KALRN: variants seen among roughly 807,000 people sequenced by gnomAD.
KALRN encodes the protein kalirin.
KALRN carries 70 observed loss-of-function variants against 353.7 expected under a neutral mutation model. The observed-to-expected ratio is 0.20, with a 90% CI of 0.16 to 0.24. The LOEUF (loss-of-function observed/expected upper bound fraction) is 0.24. KALRN is among the 10% of genes least tolerant of loss of function. KALRN has a pLI of 1.00. For synonymous variants in KALRN, 1,391 were observed against 1,434.8 expected (o/e 0.97, Z 0.69); for missense variants, 2,791 against 3,756.7 (o/e 0.74, Z 6.72).
intron 33 of KALRN, among the ~76,000 whole-genome samples, chr3:124,504,298 T>TA (rs372951800): frequency 2.1e-4 from 31 of 146,706 alleles, no homozygotes; most frequent in East Asian, 5.9e-4. Flanking sequence ...TCCTTCTGTT[T>TA]AAAAAAAAAA....
intron 33 of KALRN, among the ~76,000 whole-genome samples, chr3:124,557,539 T>C (rs1000071830): frequency 6.6e-6 from 1 of 151,536 alleles, no homozygotes; most frequent in Non-Finnish European, 1.5e-5. Flanking sequence ...TGCACAGGAG[T>C]TGGCAGGACT....
At chr3:124,189,935 C>CAAAAAAAAAAAAAAA (rs1218193851) in intron 1 of KALRN, among the ~76,000 whole-genome samples, 1 of 69,456 alleles carries the variant, frequency 1.4e-5, no homozygotes, top group Non-Finnish European at 3.1e-5. Flanking sequence ...AAGACTCTGT[C>CAAAAAAAAAAAAAAA]AAAAAAAAAA....
At chr3:124,153,888 A>G (rs1400294909) in intron 1 of KALRN, among the ~76,000 whole-genome samples, 2 of 151,832 alleles carry the variant, frequency 1.3e-5, no homozygotes, top group Non-Finnish European at 2.9e-5. Flanking sequence ...GCATTTTTTC[A>G]TGTGTCTTTT....
At chr3:124,117,386 A>G (rs1219436191) in intron 1 of KALRN, among the ~76,000 whole-genome samples, 1 of 151,888 alleles carries the variant, frequency 6.6e-6, no homozygotes, top group Non-Finnish European at 1.5e-5. Flanking sequence ...ATATTTAAAT[A>G]ACTAAACATT....
chr3:124,628,550 T>C (rs66833836), intron 34 of KALRN, among the ~76,000 whole-genome samples: 5 of 98,722 alleles, frequency 5.1e-5, no homozygotes, highest in African/African-American at 7.1e-5. Context: ...TCTTTCCTTT[T>C]CTTTCTTTTC....
At chr3:124,555,326 A>G (rs1264341787) in intron 33 of KALRN, among the ~76,000 whole-genome samples, 1 of 152,026 alleles carries the variant, frequency 6.6e-6, no homozygotes, top group African/African-American at 2.4e-5. Context: ...GGTCAGGAGA[A>G]TGGCGTGCAC....
chr3:124,327,145 G>T (rs2079999306), intron 7 of KALRN, among the ~76,000 whole-genome samples: 1 of 152,126 alleles, frequency 6.6e-6, no homozygotes, highest in African/African-American at 2.4e-5. Context: ...TTGTTGCCTA[G>T]AGTCTTAAGA....
At chr3:124,584,553 G>A in intron 34 of KALRN, 2 of 1,217,056 alleles carry the variant, frequency 1.6e-6, no homozygotes, top group Non-Finnish European at 2.1e-6. Flanking sequence ...GTTACATGAG[G>A]CTCCGGCCGC....
At chr3:124,114,467 G>A (rs2063282739) in intron 1 of KALRN, among the ~76,000 whole-genome samples, 1 of 152,206 alleles carries the variant, frequency 6.6e-6, no homozygotes, top group Non-Finnish European at 1.5e-5. Flanking sequence ...ACACAGTGGG[G>A]AAGATGGACT....
At chr3:124,076,941 T>A (rs1318253061) in intron 1 of KALRN, among the ~76,000 whole-genome samples, 1 of 152,240 alleles carries the variant, frequency 6.6e-6, no homozygotes, top group African/African-American at 2.4e-5. Flanking sequence ...ATTGTGTTGG[T>A]CAGAGTCCAT....
intron 34 of KALRN, among the ~76,000 whole-genome samples, chr3:124,612,814 G>A (rs1172728369): frequency 6.6e-6 from 1 of 152,138 alleles, no homozygotes; most frequent in Admixed American, 6.5e-5. Flanking sequence ...CTGGCATATA[G>A]GAAGCACTCA....
At chr3:124,312,121 A>G (rs1316183148) in intron 6 of KALRN, among the ~76,000 whole-genome samples, 1 of 152,188 alleles carries the variant, frequency 6.6e-6, no homozygotes, top group Non-Finnish European at 1.5e-5. Flanking sequence ...AATATACTAA[A>G]AACCATTGAA....
At chr3:124,194,503 G>C (rs2075246122) in intron 1 of KALRN, among the ~76,000 whole-genome samples, 1 of 152,188 alleles carries the variant, frequency 6.6e-6, no homozygotes, top group Non-Finnish European at 1.5e-5. Context: ...AAATTCTGTA[G>C]TCAGAAGAGT....
rs984638537 is a variant in KALRN, at chr3:124,723,535, T to C, written c.*4065T>C. 6.6e-6 allele frequency: 1 copy of C among 152,218 alleles called. No homozygotes were observed. Among genetic ancestry groups the C allele is most frequent in the Non-Finnish European group, 1.5e-5 (1 of 68,024 alleles). The allele number at this position is 152,218 out of a possible 1,614,324, so 9.4% of individuals were successfully genotyped here. ...CTGCCAGTGCTAAGAATTTTATTGA[T>C]AGTAACTTTGAACATTCCAGGTTTT... On this transcript the variant is annotated 3_prime_UTR_variant, in exon 60 of 60. Transcript: ENST00000682506.
chr3:124,458,180 G>T (rs2059511842), intron 23 of KALRN, among the ~76,000 whole-genome samples: 1 of 149,944 alleles, frequency 6.7e-6, no homozygotes, highest in African/African-American at 2.5e-5. Context: ...GGAGGCTGAG[G>T]CAGGAGAATT....
chr3:124,199,170 T>C (rs2075726430), intron 1 of KALRN, among the ~76,000 whole-genome samples: 1 of 152,254 alleles, frequency 6.6e-6, no homozygotes, highest in Non-Finnish European at 1.5e-5. Flanking sequence ...CTGCAGTGCA[T>C]GCCTGACATT....
chr3:124,230,461 A>T (rs2079017637), intron 2 of KALRN, among the ~76,000 whole-genome samples: 1 of 152,122 alleles, frequency 6.6e-6, no homozygotes, highest in Non-Finnish European at 1.5e-5. Flanking sequence ...CCCTTGCTTG[A>T]TGTTCATGGT....
At chr3:124,559,881 C>A (rs570434899) in intron 33 of KALRN, among the ~76,000 whole-genome samples, 11 of 152,364 alleles carry the variant, frequency 7.2e-5, no homozygotes, top group African/African-American at 2.6e-4. Context: ...TATTCATCAT[C>A]TATTTGAACC....
chr3:124,209,119 A>C (rs1443596220), intron 1 of KALRN, among the ~76,000 whole-genome samples: 1 of 152,110 alleles, frequency 6.6e-6, no homozygotes, highest in African/African-American at 2.4e-5. Context: ...TTGTCTCTCT[A>C]TGAGTTTGGT....
Sources: allele counts gnomAD v4.1 joint callset (sites outside exome capture counted in the v4.1 genomes callset), GRCh38; gene constraint gnomAD v4.1.1; transcripts MANE v1.5; gene names NCBI Gene and HGNC (gene_info 2026-07-23, HGNC 2026-07-21).